SLC35E1: variants seen among roughly 807,000 people sequenced by gnomAD.
SLC35E1 encodes solute carrier family 35, member E1.
A neutral mutation model predicts 31.0 loss-of-function variants in SLC35E1; 12 were observed. The ratio of observed to expected loss-of-function variants is 0.39; its 90% CI spans 0.25 to 0.63. The LOEUF (loss-of-function observed/expected upper bound fraction) is 0.63, where lower values mean the gene tolerates loss of function less well. Ranked by LOEUF, SLC35E1 falls within the 20% of genes least tolerant of loss-of-function variation. SLC35E1 has a pLI of 0.52. For synonymous variants in SLC35E1, 257 were observed against 264.1 expected (o/e 0.97, Z 0.26); for missense variants, 429 against 572.2 (o/e 0.75, Z 2.55).
chr19:16,570,888 G>A (rs1424371304), intron 2 of SLC35E1, among the ~76,000 whole-genome samples: 1 of 152,132 alleles, frequency 6.6e-6, no homozygotes, highest in Non-Finnish European at 1.5e-5. Context: ...CTTGAGGTCA[G>A]GAGTTTGAGA....
At chr19:16,568,583 T>C (rs1320427845) in intron 2 of SLC35E1, among the ~76,000 whole-genome samples, 1 of 151,920 alleles carries the variant, frequency 6.6e-6, no homozygotes, top group Non-Finnish European at 1.5e-5. Flanking sequence ...CAGGCTGGAG[T>C]GTAGTGGCAC....
chr19:16,554,709 T>C (rs1347719886), intron 5 of SLC35E1, among the ~76,000 whole-genome samples: 1 of 150,368 alleles, frequency 6.7e-6, no homozygotes, highest in Non-Finnish European at 1.5e-5. Flanking sequence ...TCCCAGCTAC[T>C]CGGGAGGCTG....
In SLC35E1 at chr19:16,568,110, C is replaced by A; in HGVS notation, c.552G>T (p.Leu184Phe). The A allele has an allele frequency of 6.2e-7, 1 of 1,613,798 alleles. No homozygotes were observed. Among genetic ancestry groups the A allele is most frequent in the Non-Finnish European group, 8.5e-7 (1 of 1,179,950 alleles). ...SGVLLATVTE[L>F]SFDMWGLVSA... ...TGACGAGTCCCCACATGTCAAAAGA[C>A]AACTCGGTGACGGTGGCCAGCAGGA... Residue 184 changes from leucine (L) to phenylalanine (F), a missense_variant, in exon 3 of 6, where the codon TTG (leucine) becomes TTT (phenylalanine). Transcript: ENST00000595753.
At chr19:16,556,606 C>T (rs139150063) in intron 4 of SLC35E1, among the ~76,000 whole-genome samples, 100 of 152,338 alleles carry the variant, frequency 6.6e-4, no homozygotes, top group African/African-American at 2.3e-3. Flanking sequence ...TAGCAGACAT[C>T]GGGACCATGG....
At chr19:16,566,471 C>T (rs771180597) in intron 4 of SLC35E1, 61 bp downstream of exon 4, 2 of 1,604,544 alleles carry the variant, frequency 1.2e-6, no homozygotes, top group East Asian at 2.2e-5. Context: ...AGCTCCTCAA[C>T]AAAGCACCTA....
chr19:16,563,361 AGCT>A (rs1394774124), intron 4 of SLC35E1, among the ~76,000 whole-genome samples: 1 of 151,878 alleles, frequency 6.6e-6, no homozygotes, highest in African/African-American at 2.4e-5. Flanking sequence ...TAAAATAAAA[AGCT>A]ACTCTGTGTG....
chr19:16,560,811 A>G lies in SLC35E1; in HGVS notation c.757-5414T>C, dbSNP rs577126191. ...TGGGAGGTGGAGGTTAGAGTAAGCT[A>G]AGATCGTGCCACTGCACTCCAGTCT... On this transcript the variant is annotated intron_variant, in intron 4 of 5. Coordinates refer to ENST00000595753, the MANE Select transcript of SLC35E1 (RefSeq NM_024881.5). Among the ~76,000 whole-genome samples, 30 of 148,006 alleles carry G rather than the reference A, an allele frequency of 2.0e-4. No homozygotes were observed. The South Asian group carries it at 6.0e-3, about 30-fold the overall frequency.
chr19:16,555,046 C>A lies in SLC35E1; in HGVS notation c.1002+106G>T. On this transcript the variant is annotated intron_variant, in intron 5 of 5. Coordinates refer to ENST00000595753, the MANE Select transcript of SLC35E1 (RefSeq NM_024881.5). The surrounding 1 kb of genome is among the most constrained non-coding windows in gnomAD (Gnocchi z 4.1). ...TCATAAACCAGTCAGTGGCAAAGCTCTGACATACAACCCCAGCCTTGAGCG... is the reference window on the plus strand; with the variant it reads ...TCATAAACCAGTCAGTGGCAAAGCTATGACATACAACCCCAGCCTTGAGCG... The A allele has an allele frequency of 3.4e-6, 5 of 1,488,776 alleles. No homozygotes were observed. Among genetic ancestry groups the A allele is most frequent in the Non-Finnish European group, 4.5e-6 (5 of 1,112,110 alleles). The allele number at this position is 1,488,776 out of a possible 1,614,324, so 92.2% of individuals were successfully genotyped here.
In SLC35E1 at chr19:16,569,767, C is replaced by T. The variant is rs1042896626; in HGVS notation, c.493-1598G>A. On this transcript the variant is annotated intron_variant, in intron 2 of 5. Transcript: ENST00000595753. ...AGGCTGAGGCAAGAATCGCTTGAAC[C>T]CAGGAGGCGGAGCTTGCAGTAAGCT... 2.6e-5 allele frequency among the ~76,000 whole-genome samples: 4 copies of T among 152,278 alleles called. No individual in the cohort carries two copies. In the South Asian group the frequency reaches 8.3e-4, roughly 32 times the overall value.
chr19:16,561,950 G>C (rs2122336670), intron 4 of SLC35E1, among the ~76,000 whole-genome samples: 1 of 152,258 alleles, frequency 6.6e-6, no homozygotes, highest in African/African-American at 2.4e-5. Flanking sequence ...CACTTTGAGA[G>C]GCCAAGGCGG....
Position 16,566,588 on chromosome 19 carries a change from T to C in SLC35E1, c.700A>G (p.Met234Val), listed in dbSNP as rs1289028995. ...NILGCHAVFFMIPTWVLVDLS... is the reference protein window; with the variant it reads ...NILGCHAVFFVIPTWVLVDLS... ...TCCACCAGAACCCAGGTGGGGATCATAAAGAAGACGGCGTGGCAGCCCAGG... is the reference window on the plus strand; with the variant it reads ...TCCACCAGAACCCAGGTGGGGATCACAAAGAAGACGGCGTGGCAGCCCAGG... The change falls in exon 4 of 6, where the codon ATG (methionine) becomes GTG (valine). Residue 234 changes from methionine to valine, a missense_variant. Met to Val is a conservative substitution (Grantham distance 21). Transcript: ENST00000595753. 1.2e-6 allele frequency: 2 copies of C among 1,612,666 alleles called. No individual in the cohort carries two copies. Among genetic ancestry groups the C allele is most frequent in the Non-Finnish European group, 1.7e-6 (2 of 1,180,006 alleles).
chr19:16,564,508 G>A (rs1328150863), intron 4 of SLC35E1, among the ~76,000 whole-genome samples: 2 of 151,986 alleles, frequency 1.3e-5, no homozygotes, highest in Non-Finnish European at 1.5e-5. Context: ...GTTTCACCAC[G>A]TTGGCCAGGC....
In SLC35E1 at chr19:16,572,227, C is replaced by A; in HGVS notation, c.138G>T (p.Val46=). 6.6e-7 allele frequency: 1 copy of A among 1,526,468 alleles called. No homozygotes were observed. Among genetic ancestry groups the A allele is most frequent in the Non-Finnish European group, 8.8e-7 (1 of 1,135,980 alleles). The allele number at this position is 1,526,468 out of a possible 1,614,324, so 94.6% of individuals were successfully genotyped here. ...AGGCGCTCAGGATCACCTTGTTGACCACGTTGCCGCCCGCGCTCAGCGCGT... is the reference window on the plus strand; with the variant it reads ...AGGCGCTCAGGATCACCTTGTTGACAACGTTGCCGCCCGCGCTCAGCGCGT... ...LWYALSAGGN[V]VNKVILSAFP... The change falls in exon 1 of 6, where the codon GTG becomes GTT. Residue 46 remains valine, a synonymous_variant. Transcript: ENST00000595753. The surrounding 1 kb of genome is among the most constrained non-coding windows in gnomAD (Gnocchi z 4.1).
At chr19:16,559,370 A>G (rs2085892652) in intron 4 of SLC35E1, among the ~76,000 whole-genome samples, 4 of 152,120 alleles carry the variant, frequency 2.6e-5, no homozygotes, top group Admixed American at 2.6e-4. Flanking sequence ...CTATAGTCCC[A>G]GCACTTTGGG....
intron 3 of SLC35E1, 84 bp downstream of exon 3, chr19:16,567,948 C>T: frequency 2.8e-6 from 4 of 1,453,790 alleles, no homozygotes; most frequent in Non-Finnish European, 3.6e-6. Flanking sequence ...GAAATTTCTA[C>T]TCCGCCTGTT....
At chr19:16,570,538 G>A (rs940513852) in intron 2 of SLC35E1, among the ~76,000 whole-genome samples, 3 of 152,190 alleles carry the variant, frequency 2.0e-5, no homozygotes, top group Admixed American at 2.0e-4. Context: ...GGATAAAGCT[G>A]TCTCCGGCTA....
At chr19:16,567,066 T>C (rs2085935907) in intron 3 of SLC35E1, among the ~76,000 whole-genome samples, 1 of 152,166 alleles carries the variant, frequency 6.6e-6, no homozygotes, top group Non-Finnish European at 1.5e-5. Flanking sequence ...CAGGAAAACA[T>C]CACACACGTG....
Position 16,572,394 on chromosome 19 carries a change from G to T in SLC35E1, c.-30C>A, listed in dbSNP as rs1181084106. Reference sequence around the variant, plus strand: ...CCCGAGCGGCCGCCCCTTCCAGCCCGTCCGACGGCCCGACGCCGGGCGGGG... The same window carrying T: ...CCCGAGCGGCCGCCCCTTCCAGCCCTTCCGACGGCCCGACGCCGGGCGGGG... On this transcript the variant is annotated 5_prime_UTR_variant, in exon 1 of 6. Transcript: ENST00000595753. The surrounding 1 kb of genome is among the most constrained non-coding windows in gnomAD (Gnocchi z 4.1). 2.0e-6 allele frequency: 2 copies of T among 992,620 alleles called. No individual in the cohort carries two copies. Among genetic ancestry groups the T allele is most frequent in the African/African-American group, 1.8e-5 (1 of 57,012 alleles). 61.5% of individuals were successfully genotyped at this position (992,620 alleles called of 1,614,324 possible).
At chr19:16,563,467 T>C (rs2085917333) in intron 4 of SLC35E1, among the ~76,000 whole-genome samples, 1 of 152,168 alleles carries the variant, frequency 6.6e-6, no homozygotes, top group African/African-American at 2.4e-5. Context: ...ATGTTATCCA[T>C]GGTCAGGGAG....
Sources: gnomAD v4.1 joint callset for allele counts (sites outside exome capture counted in the v4.1 genomes callset) on GRCh38, gnomAD v4.1.1 for gene constraint, Gnocchi (gnomAD v3.1) non-coding constraint, MANE v1.5 for transcripts, NCBI Gene and HGNC (gene_info 2026-07-23, HGNC 2026-07-21) for gene names.